The following UNC79 variants were observed in gnomAD, a reference collection of about 807,000 sequenced individuals.
UNC79 encodes the protein protein unc-79 homolog.
Under a neutral mutation model 283.1 loss-of-function variants are expected in UNC79, and 37 were observed. The ratio of observed to expected loss-of-function variants is 0.13; its 90% CI spans 0.10 to 0.17. UNC79 has a LOEUF of 0.17. Among genes scored for constraint, UNC79 ranks in the 10% least tolerant of loss-of-function variants. The pLI, the probability that UNC79 is intolerant of heterozygous loss-of-function variation, is 1.00. For missense variants in UNC79, 2,272 were observed against 3,211.1 expected, an observed-to-expected ratio of 0.71 and a Z score of 7.07; for synonymous variants, 1,107 against 1,200.2, an observed-to-expected ratio of 0.92 and a Z score of 1.61.
At chr14:93,662,653 C>T in exon 40 of UNC79, 1 of 1,611,870 alleles carries the variant, frequency 6.2e-7, no homozygotes, top group Non-Finnish European at 8.5e-7. Flanking sequence ...ATTCAGAATG[C>T]CGTCTTCACT....
In UNC79 at chr14:93,571,183, T is replaced by C. The variant is rs138695869; in HGVS notation, c.1756-711T>C. ...GTAGTTTCTCACACATCTTGTGTTA[T>C]TTAGTAAAGACTCAGGACCAGTTTA... On this transcript the variant is annotated intron_variant, in intron 14 of 48. Coordinates refer to ENST00000555664, the Ensembl canonical transcript of UNC79. Among the ~76,000 whole-genome samples the C allele has an allele frequency of 3.5e-3, 536 of 152,346 alleles. 3 individuals carry two copies. The highest frequency in any genetic ancestry group is 0.012 in the African/African-American group (511 of 41,588).
chr14:93,629,121 C>T (rs995099967), intron 30 of UNC79, among the ~76,000 whole-genome samples: 11 of 152,098 alleles, frequency 7.2e-5, no homozygotes, highest in Non-Finnish European at 1.5e-5. Flanking sequence ...ATCACTTGAA[C>T]CTAGGAGGCA....
intron 1 of UNC79, among the ~76,000 whole-genome samples, chr14:93,415,722 T>G (rs1340431572): frequency 2.0e-5 from 3 of 151,616 alleles, no homozygotes. Context: ...TATTCAGAGA[T>G]TCAACTTCTT....
At chr14:93,493,901 A>ATATTTTT (rs1251701550) in intron 5 of UNC79, among the ~76,000 whole-genome samples, 3 of 49,252 alleles carry the variant, frequency 6.1e-5, no homozygotes, top group Admixed American at 3.9e-4. Context: ...ATATATATAT[A>ATATTTTT]TTTTTTTTTT....
chr14:93,356,876 G>T (rs1340713337), intron 1 of UNC79, among the ~76,000 whole-genome samples: 2 of 152,104 alleles, frequency 1.3e-5, no homozygotes, highest in Non-Finnish European at 2.9e-5. Flanking sequence ...TTTATTTTAG[G>T]TTTGGGGGTA....
intron 1 of UNC79, among the ~76,000 whole-genome samples, chr14:93,436,801 C>G (rs1595476847): frequency 1.3e-5 from 2 of 152,210 alleles, no homozygotes; most frequent in Middle Eastern, 6.8e-3. Context: ...GTGAAAAGCT[C>G]AACAATTTCA....
At chr14:93,681,888 G>T (rs2073872373) in intron 41 of UNC79, among the ~76,000 whole-genome samples, 1 of 152,228 alleles carries the variant, frequency 6.6e-6, no homozygotes, top group South Asian at 2.1e-4. Context: ...ATGATCTCAA[G>T]TCATAACTGG....
intron 4 of UNC79, among the ~76,000 whole-genome samples, chr14:93,485,431 A>C (rs1472811106): frequency 6.6e-6 from 1 of 151,966 alleles, no homozygotes; most frequent in Non-Finnish European, 1.5e-5. Flanking sequence ...GCCAGCTTGC[A>C]TCAGAATCAC....
At chr14:93,505,949 A>T (rs2059515088) in intron 7 of UNC79, among the ~76,000 whole-genome samples, 1 of 151,624 alleles carries the variant, frequency 6.6e-6, no homozygotes, top group Non-Finnish European at 1.5e-5. Context: ...CCTGACTTCC[A>T]TGCTATACTT....
intron 14 of UNC79, among the ~76,000 whole-genome samples, chr14:93,547,104 A>G (rs2061638120): frequency 6.6e-6 from 1 of 152,246 alleles, no homozygotes; most frequent in South Asian, 2.1e-4. Flanking sequence ...AAACATTAAA[A>G]TAATAACAAA....
chr14:93,415,983 A>G (rs2055445752), intron 1 of UNC79, among the ~76,000 whole-genome samples: 1 of 152,122 alleles, frequency 6.6e-6, no homozygotes, highest in Admixed American at 6.6e-5. Flanking sequence ...TCCTGGACTC[A>G]TTAATTTTTT....
chr14:93,557,221 CA>C (rs1305022895), intron 14 of UNC79, among the ~76,000 whole-genome samples: 1 of 152,160 alleles, frequency 6.6e-6, no homozygotes, highest in African/African-American at 2.4e-5. Context: ...TGTGTGAATA[CA>C]TCAAACCATA....
At chr14:93,610,044 T>C (rs370690756) in intron 26 of UNC79, among the ~76,000 whole-genome samples, 2 of 152,334 alleles carry the variant, frequency 1.3e-5, no homozygotes, top group East Asian at 1.9e-4. Context: ...GATGGGCATG[T>C]ATGAAATGAC....
chr14:93,457,607 A>G (rs2056832507), intron 1 of UNC79, among the ~76,000 whole-genome samples: 1 of 152,246 alleles, frequency 6.6e-6, no homozygotes, highest in South Asian at 2.1e-4. Flanking sequence ...GGTGAAACCC[A>G]ACAGGTGAGC....
At chr14:93,663,721 T>C (rs1295247284) in intron 40 of UNC79, among the ~76,000 whole-genome samples, 1 of 152,118 alleles carries the variant, frequency 6.6e-6, no homozygotes, top group African/African-American at 2.4e-5. Flanking sequence ...TGGTCAGCAT[T>C]TTTTTCTTCT....
At chr14:93,542,512 C>A in exon 14 of UNC79, 1 of 1,614,214 alleles carries the variant, frequency 6.2e-7, no homozygotes, top group Non-Finnish European at 8.5e-7. Flanking sequence ...GAAAGCTTGG[C>A]CCGGCTGGTG....
At chr14:93,667,276 A>G (rs2072313858) in intron 40 of UNC79, among the ~76,000 whole-genome samples, 1 of 152,092 alleles carries the variant, frequency 6.6e-6, no homozygotes, top group South Asian at 2.1e-4. Context: ...CATAGATACA[A>G]TGGAAGATCA....
rs1446896332 is a variant in UNC79 at position 93,471,070 on chromosome 14, T to G, written c.144-3019T>G. Among the ~76,000 whole-genome samples the G allele has an allele frequency of 2.6e-5, 4 of 152,312 alleles. No homozygotes were observed. In the East Asian group the frequency reaches 7.7e-4, roughly 29 times the overall value. On this transcript the variant is annotated intron_variant, in intron 2 of 48. Transcript: ENST00000555664. ...ACATTTGGGGAAAGCTGCTTGCTGC[T>G]ATTTAGAAAATGCCTAATATGTTAT...
At chr14:93,692,629 C>G (rs2074783821) in intron 46 of UNC79, among the ~76,000 whole-genome samples, 1 of 152,202 alleles carries the variant, frequency 6.6e-6, no homozygotes, top group Non-Finnish European at 1.5e-5. Context: ...CGTTTTCAAG[C>G]TGGCTTATAG....
Sources: allele counts gnomAD v4.1 joint callset (sites outside exome capture counted in the v4.1 genomes callset), GRCh38; gene constraint gnomAD v4.1.1; transcripts MANE v1.5; gene names NCBI Gene and HGNC (gene_info 2026-07-23, HGNC 2026-07-21).